ST18: variants seen among roughly 807,000 people sequenced by gnomAD.
ST18 encodes the protein suppression of tumorigenicity 18 protein.
ST18 carries 50 observed loss-of-function variants against 110.0 expected under a neutral mutation model. The ratio of observed to expected loss-of-function variants is 0.45; its 90% CI spans 0.36 to 0.58. ST18 has a LOEUF of 0.58. Ranked by LOEUF, ST18 falls within the 20% of genes least tolerant of loss-of-function variation. ST18 has a pLI of 0.00. For synonymous variants in ST18, 461 were observed against 452.4 expected, an observed-to-expected ratio of 1.02 and a Z score of -0.24; for missense variants, 1,306 against 1,280.1, an observed-to-expected ratio of 1.02 and a Z score of -0.31.
chr8:52,395,097 T>C (rs1026414465), intron 2 of ST18, among the ~76,000 whole-genome samples: 4 of 152,204 alleles, frequency 2.6e-5, no homozygotes, highest in Non-Finnish European at 4.4e-5. Flanking sequence ...TAATTATGGA[T>C]GTCACAGAGT....
At position 52,179,216 on chromosome 8, in the gene ST18, G is replaced by A. The variant is rs114175013; in HGVS notation, c.277+906C>T. On this transcript the variant is annotated intron_variant, in intron 9 of 25. Transcript: ENST00000689386. ...GAGTTTTTGCATGTCCCTCAGCTTC[G>A]CCTTATGCACAAAGTGATCAGTGAT... is the stretch of plus-strand genomic sequence containing the variant. Among the ~76,000 whole-genome samples, 1,464 of 152,008 alleles carry A rather than the reference G, an allele frequency of 9.6e-3. 20 individuals carry two copies. Among genetic ancestry groups the A allele is most frequent in the Middle Eastern group, 0.027 (8 of 292 alleles).
At chr8:52,315,804 A>G (rs2096014199) in intron 2 of ST18, among the ~76,000 whole-genome samples, 1 of 152,176 alleles carries the variant, frequency 6.6e-6, no homozygotes, top group Non-Finnish European at 1.5e-5. Flanking sequence ...CATCTTTCCC[A>G]TGTTTTCTTG....
chr8:52,282,293 T>C (rs1388777066), intron 2 of ST18, among the ~76,000 whole-genome samples: 1 of 152,136 alleles, frequency 6.6e-6, no homozygotes, highest in Non-Finnish European at 1.5e-5. Flanking sequence ...AACAAAATAT[T>C]ATTAAACCCA....
At chr8:52,174,778 G>A (rs2066258545) in intron 9 of ST18, among the ~76,000 whole-genome samples, 1 of 152,206 alleles carries the variant, frequency 6.6e-6, no homozygotes, top group Non-Finnish European at 1.5e-5. Context: ...TGCCTGCACA[G>A]CACACGCGGG....
intron 8 of ST18, among the ~76,000 whole-genome samples, chr8:52,187,207 G>A (rs552430581): frequency 6.6e-6 from 1 of 152,318 alleles, no homozygotes; most frequent in African/African-American, 2.4e-5. Flanking sequence ...TAACAGGTAA[G>A]ATTTAGTGAG....
intron 13 of ST18, among the ~76,000 whole-genome samples, chr8:52,162,633 C>T (rs1365438847): frequency 2.0e-5 from 3 of 152,106 alleles, no homozygotes; most frequent in African/African-American, 7.2e-5. Context: ...ATAATTATCA[C>T]AATCTAAGCT....
intron 2 of ST18, among the ~76,000 whole-genome samples, chr8:52,295,370 G>T (rs2095616296): frequency 6.6e-6 from 1 of 151,942 alleles, no homozygotes; most frequent in Non-Finnish European, 1.5e-5. Context: ...GTTTTTATCA[G>T]GTTTCTTCCC....
At chr8:52,250,170 A>G (rs917118766) in intron 2 of ST18, among the ~76,000 whole-genome samples, 4 of 152,072 alleles carry the variant, frequency 2.6e-5, no homozygotes, top group African/African-American at 9.7e-5. Context: ...AATACTTTAC[A>G]GCAGAGGCTG....
In ST18 at chr8:52,172,462, C is replaced by T. The variant is rs1455768571; in HGVS notation, c.399G>A (p.Leu133=). The change falls in exon 10 of 26, where the codon TTG becomes TTA. Residue 133 remains leucine, a synonymous_variant. Coordinates refer to ENST00000689386, the MANE Select transcript of ST18 (RefSeq NM_001352837.2). The part of the protein sequence containing the change: ...QELMVKSLMH[L]GKFEKNVSVQ... ...CAGATACATTTTTTTCAAATTTCCC[C>T]AAGTGCATTAAAGACTTGACCATGA... 3.7e-6 allele frequency: 6 copies of T among 1,613,628 alleles called. No homozygotes were observed. In the African/African-American group the frequency reaches 8.0e-5, roughly 22 times the overall value.
chr8:52,282,785 G>A (rs944279437), intron 2 of ST18, among the ~76,000 whole-genome samples: 34 of 152,118 alleles, frequency 2.2e-4, no homozygotes, highest in Admixed American at 5.2e-4. Context: ...TGCCACTTAG[G>A]GAACAGCAAG....
At position 52,169,849 on chromosome 8, in the gene ST18, C is replaced by T. The variant is rs982282635; in HGVS notation, c.1069+1943G>A. On this transcript the variant is annotated intron_variant, in intron 10 of 25. Transcript: ENST00000689386. ...TCTTGCAGAGGCTGCCCCCATGCCT[C>T]AGGCACTAGGATATACCGCTGAGTC... Among the ~76,000 whole-genome samples the T allele has an allele frequency of 1.1e-4, 17 of 152,184 alleles. 1 individual carries two copies. The highest frequency in any genetic ancestry group is 3.9e-4 in the African/African-American group (16 of 41,446).
At chr8:52,164,656 C>T (rs1406093534) in intron 12 of ST18, among the ~76,000 whole-genome samples, 1 of 152,204 alleles carries the variant, frequency 6.6e-6, no homozygotes, top group Non-Finnish European at 1.5e-5. Context: ...TGTAAATGCA[C>T]ATATGTATGT....
At chr8:52,213,341 G>A (rs972427671) in intron 7 of ST18, among the ~76,000 whole-genome samples, 9 of 151,684 alleles carry the variant, frequency 5.9e-5, no homozygotes, top group Non-Finnish European at 1.2e-4. Flanking sequence ...TATAGATAAC[G>A]AAAGCATTCC....
intron 2 of ST18, among the ~76,000 whole-genome samples, chr8:52,274,323 A>G (rs925671227): frequency 3.3e-5 from 5 of 152,168 alleles, no homozygotes; most frequent in African/African-American, 1.2e-4. Flanking sequence ...TTATGTAGAT[A>G]AAATGTTTTA....
At position 52,171,819 on chromosome 8, in the gene ST18, C is replaced by A; in HGVS notation, c.1042G>T (p.Gly348Cys). 2 of 1,613,682 alleles carry A rather than the reference C, an allele frequency of 1.2e-6. No homozygotes were observed. The highest frequency in any genetic ancestry group is 1.7e-6 in the Non-Finnish European group (2 of 1,179,698). Residue 348 changes from glycine (G) to cysteine (C), a missense_variant, in exon 10 of 26, where the codon GGT becomes TGT. Gly to Cys is a radical substitution (Grantham distance 159). Transcript: ENST00000689386. The stretch of plus-strand genomic sequence containing the variant: ...TTATTGTTAAAGATTTGTCTTCCAC[C>A]CATGTCGATAACTTTGGTTTGCCTC... ...ERRQTKVIDM[G>C]GRQIFNNKHS... is the part of the protein sequence containing the mutation.
At chr8:52,362,138 G>A (rs1311466062) in intron 2 of ST18, among the ~76,000 whole-genome samples, 1 of 152,132 alleles carries the variant, frequency 6.6e-6, no homozygotes, top group Admixed American at 6.5e-5. Flanking sequence ...TGTTTTCCCA[G>A]TCAATTCAGG....
intron 2 of ST18, among the ~76,000 whole-genome samples, chr8:52,332,070 C>A (rs1345387813): frequency 6.6e-6 from 1 of 151,828 alleles, no homozygotes; most frequent in Non-Finnish European, 1.5e-5. Context: ...TGTATATATA[C>A]ATTTATAAAA....
chr8:52,333,620 T>A (rs1810654810), intron 2 of ST18, among the ~76,000 whole-genome samples: 1 of 152,166 alleles, frequency 6.6e-6, no homozygotes, highest in African/African-American at 2.4e-5. Context: ...AGGGAAGAGA[T>A]AAAGGAAACC....
chr8:52,170,348 C>T (rs955315834), intron 10 of ST18, among the ~76,000 whole-genome samples: 28 of 151,978 alleles, frequency 1.8e-4, no homozygotes, highest in African/African-American at 6.5e-4. Context: ...CCTAGCTACT[C>T]GGGAGGCTGA....
Sources: gnomAD v4.1 joint callset for allele counts (sites outside exome capture counted in the v4.1 genomes callset) on GRCh38, gnomAD v4.1.1 for gene constraint, MANE v1.5 for transcripts, NCBI Gene and HGNC (gene_info 2026-07-23, HGNC 2026-07-21) for gene names.